SPTSSB: variants seen among roughly 807,000 people sequenced by gnomAD.
SPTSSB encodes the protein androgen down regulated in mouse prostate.
In SPTSSB, 6 loss-of-function variants were observed where a neutral mutation model predicts 7.7. The observed-to-expected ratio is 0.78, with a 90% CI of 0.43 to 1.54. SPTSSB has a LOEUF of 1.54. Among genes scored for constraint, SPTSSB ranks in the 40% most tolerant of loss-of-function variants. The pLI is 0.01. For synonymous variants in SPTSSB, 28 were observed against 29.7 expected, an observed-to-expected ratio of 0.94 and a Z score of 0.19; for missense variants, 91 against 93.0, an observed-to-expected ratio of 0.98 and a Z score of 0.09.
intron 1 of SPTSSB, among the ~76,000 whole-genome samples, chr3:161,369,286 T>TTTTCTTTCTTTCTTTCTTTCTTTCTTTC (rs149388545): frequency 4.5e-5 from 5 of 110,368 alleles, no homozygotes; most frequent in African/African-American, 1.7e-4. Context: ...TCTTTCTTTC[T>TTTTCTTTCTTTCTTTCTTTCTTTCTTTC]TTTCTTTCTT....
intron 1 of SPTSSB, among the ~76,000 whole-genome samples, chr3:161,366,702 T>C (rs941618873): frequency 6.6e-6 from 1 of 152,194 alleles, no homozygotes; most frequent in African/African-American, 2.4e-5. Context: ...CTTGGGAATT[T>C]TTGTCTATTT....
intron 2 of SPTSSB, among the ~76,000 whole-genome samples, chr3:161,349,104 T>A (rs1396543442): frequency 6.6e-6 from 1 of 152,198 alleles, no homozygotes; most frequent in Non-Finnish European, 1.5e-5. Context: ...GAATACATTT[T>A]GAGTACTACT....
rs1056394916 is a variant in SPTSSB, at chr3:161,344,949, T to A, written c.*1144A>T. 2.6e-5 allele frequency: 4 copies of A among 152,554 alleles called. No homozygotes were observed. Among genetic ancestry groups the A allele is most frequent in the Non-Finnish European group, 4.4e-5 (3 of 68,016 alleles). 9.5% of individuals were successfully genotyped at this position (152,554 alleles called of 1,614,324 possible). A position where few individuals can be genotyped will look rare whatever the true frequency, so the allele number is the denominator to read the frequency against. On this transcript the variant is annotated 3_prime_UTR_variant, in exon 3 of 3. Coordinates refer to ENST00000620149, the MANE Select transcript of SPTSSB (RefSeq NM_001040100.2). The stretch of plus-strand genomic sequence containing the variant: ...TCTCTCTAGCTCACCTTGGAAAAAT[T>A]TTTTTCATAACACAAACAAGGGTGC...
intron 1 of SPTSSB, among the ~76,000 whole-genome samples, chr3:161,369,645 G>C (rs1024101955): frequency 1.3e-5 from 2 of 151,970 alleles, no homozygotes; most frequent in African/African-American, 4.8e-5. Flanking sequence ...TGGAGGAAGA[G>C]AGCCTCAGAA....
intron 1 of SPTSSB, among the ~76,000 whole-genome samples, chr3:161,367,787 G>A (rs1324185186): frequency 6.6e-6 from 1 of 152,152 alleles, no homozygotes; most frequent in East Asian, 1.9e-4. Flanking sequence ...GGCAAAACTG[G>A]GTTAATCTGA....
intron 2 of SPTSSB, among the ~76,000 whole-genome samples, chr3:161,348,612 A>G (rs1714370773): frequency 6.6e-6 from 1 of 152,248 alleles, no homozygotes; most frequent in Non-Finnish European, 1.5e-5. Context: ...TTGATCACAA[A>G]TACCCCAAAT....
chr3:161,360,626 C>T (rs1014237584), intron 1 of SPTSSB, among the ~76,000 whole-genome samples: 3 of 152,234 alleles, frequency 2.0e-5, no homozygotes, highest in Middle Eastern at 3.4e-3. Context: ...TTTGCCCTGA[C>T]CATTTGTAGC....
Position 161,344,992 on chromosome 3 carries a change from A to T in SPTSSB, c.*1101T>A, listed in dbSNP as rs1192466036. 2 of 152,598 alleles carry T rather than the reference A, an allele frequency of 1.3e-5. No homozygotes were observed. The highest frequency in any genetic ancestry group is 2.9e-5 in the Non-Finnish European group (2 of 68,030). The allele number at this position is 152,598 out of a possible 1,614,324, so 9.5% of individuals were successfully genotyped here. On this transcript the variant is annotated 3_prime_UTR_variant, in exon 3 of 3. Coordinates refer to ENST00000620149, the MANE Select transcript of SPTSSB (RefSeq NM_001040100.2). ...AAGGGTGCAAATATTGTCCAAACCTATTTACATTTTTACCCTCTAGAATTA... is the reference window on the plus strand; with the variant it reads ...AAGGGTGCAAATATTGTCCAAACCTTTTTACATTTTTACCCTCTAGAATTA...
At chr3:161,369,362 C>CTTTT (rs1312578091) in intron 1 of SPTSSB, among the ~76,000 whole-genome samples, 1 of 52,848 alleles carries the variant, frequency 1.9e-5, no homozygotes, top group African/African-American at 7.8e-5. Flanking sequence ...CTCTTTCTTT[C>CTTTT]TCTCTCTGTC....
intron 1 of SPTSSB, among the ~76,000 whole-genome samples, chr3:161,369,481 C>T (rs1227579878): frequency 6.8e-6 from 1 of 147,360 alleles, no homozygotes; most frequent in East Asian, 2.0e-4. Flanking sequence ...TTTCCCCAAC[C>T]ACTAATGGCT....
intron 2 of SPTSSB, among the ~76,000 whole-genome samples, chr3:161,351,847 C>T (rs1292895794): frequency 6.6e-6 from 1 of 152,202 alleles, no homozygotes; most frequent in Admixed American, 6.5e-5. Context: ...AACTTTAAGG[C>T]TTAAGTGTTA....
intron 2 of SPTSSB, 194 bp downstream of exon 2, chr3:161,359,608 C>A (rs192759421): frequency 3.8e-6 from 2 of 524,064 alleles, no homozygotes; most frequent in Non-Finnish European, 4.9e-6. Context: ...TAAGTTGAGA[C>A]CTCCAAATTA....
chr3:161,371,293 T>A, intron 1 of SPTSSB, 142 bp downstream of exon 1: 1 of 568,666 alleles, frequency 1.8e-6, no homozygotes, highest in South Asian at 7.7e-5. Context: ...ATCCATCAAT[T>A]CTGAAAATTG....
chr3:161,365,183 T>G (rs1715166377), intron 1 of SPTSSB, among the ~76,000 whole-genome samples: 1 of 152,240 alleles, frequency 6.6e-6, no homozygotes, highest in Non-Finnish European at 1.5e-5. Flanking sequence ...TGCAGCTCAC[T>G]TAACAACAAT....
intron 1 of SPTSSB, among the ~76,000 whole-genome samples, chr3:161,369,008 G>C (rs190387772): frequency 1.3e-4 from 20 of 152,190 alleles, no homozygotes; most frequent in African/African-American, 4.8e-4. Context: ...GGTGTTATGA[G>C]TAATGCCACT....
chr3:161,350,401 G>A (rs1576895119), intron 2 of SPTSSB, among the ~76,000 whole-genome samples: 1 of 152,104 alleles, frequency 6.6e-6, no homozygotes, highest in Admixed American at 6.5e-5. Flanking sequence ...AGTACATTTT[G>A]GTTTAAATTT....
chr3:161,348,098 T>C (rs1714341945), intron 2 of SPTSSB: 1 of 152,062 alleles, frequency 6.6e-6, no homozygotes, highest in Non-Finnish European at 1.5e-5. Flanking sequence ...GGCCCAGGAA[T>C]GAGCACTAAG....
At chr3:161,369,546 T>C (rs890695840) in intron 1 of SPTSSB, among the ~76,000 whole-genome samples, 2 of 151,846 alleles carry the variant, frequency 1.3e-5, no homozygotes, top group African/African-American at 4.8e-5. Flanking sequence ...TTTGGAGAAA[T>C]GTCTATTCAA....
At chr3:161,360,105 G>A (rs923158304) in intron 1 of SPTSSB, among the ~76,000 whole-genome samples, 1 of 152,164 alleles carries the variant, frequency 6.6e-6, no homozygotes, top group Non-Finnish European at 1.5e-5. Flanking sequence ...CCATTGGCTA[G>A]TGATTCCCCA....
Sources: gnomAD v4.1 joint callset for allele counts (sites outside exome capture counted in the v4.1 genomes callset) on GRCh38, gnomAD v4.1.1 for gene constraint, MANE v1.5 for transcripts, NCBI Gene and HGNC (gene_info 2026-07-23, HGNC 2026-07-21) for gene names.